Variants in EYS observed in about 807,000 individuals in gnomAD.
The protein encoded by EYS is protein eyes shut homolog.
A neutral mutation model predicts 282.1 loss-of-function variants in EYS; 250 were observed. The observed-to-expected ratio is 0.89, with a 90% CI of 0.80 to 0.98. The LOEUF is 0.98. EYS is among the 50% of genes least tolerant of loss of function. EYS has a pLI of 0.00. For synonymous variants in EYS, 1,355 were observed against 1,282.9 expected (o/e 1.06, Z -1.20); for missense variants, 4,016 against 3,709.0 (o/e 1.08, Z -2.15).
At chr6:64,592,360 A>T (rs1332284824) in intron 25 of EYS, among the ~76,000 whole-genome samples, 2 of 152,172 alleles carry the variant, frequency 1.3e-5, no homozygotes, top group Non-Finnish European at 2.9e-5. Context: ...AATGTTAGAA[A>T]TACCGTTTTA....
intron 22 of EYS, among the ~76,000 whole-genome samples, chr6:64,800,443 CA>C (rs1252232190): frequency 6.6e-6 from 1 of 151,702 alleles, no homozygotes; most frequent in East Asian, 1.9e-4. Flanking sequence ...TGAAGCAAAC[CA>C]AAAATGTTAT....
chr6:64,842,034 T>G (rs1765578194), intron 19 of EYS, among the ~76,000 whole-genome samples: 1 of 152,064 alleles, frequency 6.6e-6, no homozygotes, highest in Admixed American at 6.6e-5. Context: ...AAAACTCACC[T>G]TAAGTGAGAT....
In EYS at chr6:63,984,494, T is replaced by C; in HGVS notation, c.6944A>G (p.Asn2315Ser). Reference sequence around the variant, plus strand: ...ATCGATGATGAAGAATTCTTTGTTGTTTACTTGAAGGTCTAGAATGCAGCC... The same window carrying C: ...ATCGATGATGAAGAATTCTTTGTTGCTTACTTGAAGGTCTAGAATGCAGCC... ...FRGCILDLQV[N>S]NKEFFIIDEA... The change falls in exon 35 of 43, where the codon AAC (asparagine) becomes AGC (serine). Residue 2315 changes from asparagine to serine, a missense_variant. By Grantham distance (46) the Asn-to-Ser change is conservative. Coordinates refer to ENST00000503581, the MANE Select transcript of EYS (RefSeq NM_001142800.2). The C allele has an allele frequency of 6.5e-7, 1 of 1,549,678 alleles. No individual in the cohort carries two copies. The highest frequency in any genetic ancestry group is 8.7e-7 in the Non-Finnish European group (1 of 1,145,478).
chr6:64,291,290 A>G lies in EYS; in HGVS notation c.6191+15680T>C, dbSNP rs372769522. On this transcript the variant is annotated intron_variant, in intron 30 of 42. Transcript: ENST00000503581. ...CATTATCATGAATGCTATTATTCCA[A>G]AATGAACAATCTTTTTATTGTTTAT... Among the ~76,000 whole-genome samples, 26 of 152,206 alleles carry G rather than the reference A, an allele frequency of 1.7e-4. No homozygotes were observed. The East Asian group carries it at 2.1e-3, about 12-fold the overall frequency.
chr6:65,437,710 T>C (rs902160372), intron 5 of EYS, among the ~76,000 whole-genome samples: 1 of 152,130 alleles, frequency 6.6e-6, no homozygotes, highest in African/African-American at 2.4e-5. Flanking sequence ...GTGGGGAAGA[T>C]TCATTTTTAT....
At chr6:64,151,130 C>T (rs1403963637) in intron 31 of EYS, among the ~76,000 whole-genome samples, 1 of 150,584 alleles carries the variant, frequency 6.6e-6, no homozygotes, top group Admixed American at 6.6e-5. Context: ...ATAGACAATA[C>T]AAAGGTCTAT....
chr6:64,374,980 C>G (rs1198111024), intron 29 of EYS, among the ~76,000 whole-genome samples: 1 of 152,180 alleles, frequency 6.6e-6, no homozygotes, highest in Non-Finnish European at 1.5e-5. Flanking sequence ...GTTCTCTTCA[C>G]TGACTCTTAG....
chr6:64,015,178 T>G (rs1768834857), intron 33 of EYS, among the ~76,000 whole-genome samples: 1 of 152,170 alleles, frequency 6.6e-6, no homozygotes, highest in African/African-American at 2.4e-5. Flanking sequence ...ACAATAGAGA[T>G]AATAATTCCT....
chr6:65,564,825 T>C (rs1456163179), intron 2 of EYS, among the ~76,000 whole-genome samples: 3 of 151,950 alleles, frequency 2.0e-5, no homozygotes, highest in African/African-American at 7.3e-5. Flanking sequence ...GAAACGATCA[T>C]CACAGTGAAC....
intron 29 of EYS, among the ~76,000 whole-genome samples, chr6:64,357,590 G>C (rs1158158834): frequency 6.6e-6 from 1 of 151,526 alleles, no homozygotes. Context: ...AATTTTGAAA[G>C]CCTGTTGGGA....
At chr6:64,757,754 G>A (rs1385056532) in intron 22 of EYS, among the ~76,000 whole-genome samples, 2 of 144,310 alleles carry the variant, frequency 1.4e-5, no homozygotes, top group Non-Finnish European at 3.0e-5. Flanking sequence ...TTGTGTGTGT[G>A]TGTGTGTGTG....
In EYS at chr6:64,425,657, GAAA is replaced by G. The variant is rs34577912; in HGVS notation, c.5927+10514_5927+10516del. On this transcript the variant is annotated intron_variant, in intron 28 of 42. Transcript: ENST00000503581. ...CAACAAGAGTAAAACTCCATCCCAG[GAAA>G]AAAAAAAAAAAAAAAAAAAGGAAGC... Among the ~76,000 whole-genome samples the G allele has an allele frequency of 1.0e-4, 7 of 67,812 alleles. No homozygotes were observed. The East Asian group carries it at 1.2e-3, about 12-fold the overall frequency. The allele number at this position is 67,812 out of a possible 152,430, so 44.5% of individuals were successfully genotyped here.
intron 13 of EYS, among the ~76,000 whole-genome samples, chr6:65,037,257 G>A (rs775235547): frequency 7.2e-5 from 11 of 151,738 alleles, no homozygotes; most frequent in Non-Finnish European, 1.0e-4. Flanking sequence ...GGAGCTAAGC[G>A]TTGAGTACAC....
chr6:65,516,662 T>A lies in EYS; in HGVS notation c.-332-20669A>T, dbSNP rs1347148636. ...ATGATAAGTGTTTTGTATGTTTTAT[T>A]CTTTTAATCTACAGTCTTCGAAATT... On this transcript the variant is annotated intron_variant, in intron 2 of 42. Transcript: ENST00000503581. Among the ~76,000 whole-genome samples, 4 of 152,224 alleles carry A rather than the reference T, an allele frequency of 2.6e-5. No individual in the cohort carries two copies. In the East Asian group the frequency reaches 5.8e-4, roughly 22 times the overall value.
chr6:63,917,188 A>C (rs1008656177), intron 35 of EYS, among the ~76,000 whole-genome samples: 2 of 152,230 alleles, frequency 1.3e-5, no homozygotes, highest in African/African-American at 4.8e-5. Flanking sequence ...ATGTGTTTAG[A>C]GAATGCACTT....
intron 11 of EYS, among the ~76,000 whole-genome samples, chr6:65,322,486 G>A (rs937824220): frequency 6.6e-6 from 1 of 152,020 alleles, no homozygotes; most frequent in East Asian, 1.9e-4. Flanking sequence ...ATATCCATGC[G>A]ACCAGCAGGG....
chr6:65,325,732 C>G (rs1381063553), intron 11 of EYS, among the ~76,000 whole-genome samples: 2 of 152,058 alleles, frequency 1.3e-5, no homozygotes, highest in Non-Finnish European at 2.9e-5. Context: ...TAGGGACACT[C>G]TGACTCCTAG....
intron 2 of EYS, among the ~76,000 whole-genome samples, chr6:65,561,083 T>C (rs920335081): frequency 4.6e-5 from 7 of 152,162 alleles, no homozygotes; most frequent in Middle Eastern, 6.3e-3. Context: ...ACAATACTAA[T>C]GAAAATGTGA....
intron 29 of EYS, among the ~76,000 whole-genome samples, chr6:64,314,116 G>A (rs1428153035): frequency 2.9e-5 from 4 of 139,782 alleles, no homozygotes; most frequent in African/African-American, 1.1e-4. Flanking sequence ...CTGTATTCAG[G>A]AGACCCATTT....
Sources: gnomAD v4.1 joint callset for allele counts (sites outside exome capture counted in the v4.1 genomes callset) on GRCh38, gnomAD v4.1.1 for gene constraint, MANE v1.5 for transcripts, NCBI Gene and HGNC (gene_info 2026-07-23, HGNC 2026-07-21) for gene names.